PAK4: variants seen among roughly 807,000 people sequenced by gnomAD.
The protein encoded by PAK4 is serine/threonine-protein kinase PAK 4.
PAK4 carries 49 observed loss-of-function variants against 53.5 expected under a neutral mutation model. The observed-to-expected ratio is 0.92, with a 90% CI of 0.73 to 1.16. The LOEUF is 1.16. Ranked by LOEUF, PAK4 falls within the 50% of genes most tolerant of loss-of-function variation. The pLI is 0.00. For missense variants in PAK4, 824 were observed against 850.7 expected (o/e 0.97, Z 0.39); for synonymous variants, 376 against 375.6 (o/e 1.00, Z -0.01).
intron 1 of PAK4, 28 bp from the exon 3 acceptor site, chr19:39,169,504 A>T: frequency 4.7e-6 from 7 of 1,504,904 alleles, no homozygotes; most frequent in Non-Finnish European, 6.5e-6. Context: ...GCAGGCTCTC[A>T]CTCACCCACC....
chr19:39,166,205 C>T (rs181756526), intron 1 of PAK4, among the ~76,000 whole-genome samples: 3 of 152,348 alleles, frequency 2.0e-5, no homozygotes, highest in African/African-American at 7.2e-5. Context: ...GCCTGTAATC[C>T]TAACACTTTG....
At chr19:39,127,950 C>T (rs2073620627) in intron 1 of PAK4, among the ~76,000 whole-genome samples, 2 of 152,086 alleles carry the variant, frequency 1.3e-5, no homozygotes, top group African/African-American at 4.8e-5. Flanking sequence ...CAACACGTAG[C>T]CTGTGCAGGT....
chr19:39,162,601 C>T (rs545298186), intron 1 of PAK4, among the ~76,000 whole-genome samples: 18 of 152,254 alleles, frequency 1.2e-4, no homozygotes, highest in South Asian at 4.1e-4. Context: ...AGCCTCCCCT[C>T]CCCTCAGCTC....
At chr19:39,130,488 G>A (rs1490123514) in intron 1 of PAK4, among the ~76,000 whole-genome samples, 1 of 152,066 alleles carries the variant, frequency 6.6e-6, no homozygotes, top group Non-Finnish European at 1.5e-5. Flanking sequence ...AGGCTGGAAG[G>A]AGGTGGAAAG....
intron 1 of PAK4, among the ~76,000 whole-genome samples, chr19:39,130,120 C>A (rs1316814596): frequency 3.6e-5 from 2 of 55,200 alleles, no homozygotes; most frequent in East Asian, 4.6e-4. Context: ...AGGGTCAGGG[C>A]GGGATGTGGG....
At chr19:39,158,059 C>T (rs558940234) in intron 1 of PAK4, among the ~76,000 whole-genome samples, 10 of 149,214 alleles carry the variant, frequency 6.7e-5, no homozygotes, top group South Asian at 2.1e-4. Flanking sequence ...TATTTGTGAG[C>T]GTGTGTGTGA....
intron 1 of PAK4, among the ~76,000 whole-genome samples, chr19:39,139,551 C>CA (rs2073876926): frequency 2.0e-5 from 3 of 152,184 alleles, no homozygotes; most frequent in African/African-American, 7.2e-5. Flanking sequence ...CATTCCTCAG[C>CA]AGGCCCCAGA....
intron 1 of PAK4, among the ~76,000 whole-genome samples, chr19:39,139,288 G>C (rs1600319154): frequency 2.0e-5 from 3 of 152,220 alleles, no homozygotes; most frequent in Admixed American, 1.3e-4. Flanking sequence ...TTGGGATCAT[G>C]GTTGTTCATC....
At chr19:39,142,570 G>A (rs968794228) in intron 1 of PAK4, among the ~76,000 whole-genome samples, 1 of 152,144 alleles carries the variant, frequency 6.6e-6, no homozygotes. Context: ...CCCACCCCCC[G>A]GGGCCTGGGA....
In PAK4 at chr19:39,175,384, C is replaced by T. The variant is rs757293101; in HGVS notation, c.1305C>T (p.Gly435=). The T allele has an allele frequency of 9.3e-6, 15 of 1,610,742 alleles. No individual in the cohort carries two copies. Among genetic ancestry groups the T allele is most frequent in the Non-Finnish European group, 1.2e-5 (14 of 1,179,140 alleles). Residue 435 remains glycine (G), a synonymous_variant, in exon 6 of 9, where the codon GGC becomes GGT. Transcript: ENST00000358301. The surrounding 1 kb of genome is among the most constrained non-coding windows in gnomAD (Gnocchi z 4.7). ...CCCTGTCGGTGCTCCACGCCCAGGG[C>T]GTCATCCACCGGGACATCAAGAGCG...
intron 1 of PAK4, among the ~76,000 whole-genome samples, chr19:39,135,987 T>C (rs2073806792): frequency 6.8e-6 from 1 of 146,206 alleles, no homozygotes; most frequent in Non-Finnish European, 1.5e-5. Flanking sequence ...TCCTTGTCAC[T>C]CCCCTTCCTC....
At chr19:39,136,082 C>T (rs2073809900) in intron 1 of PAK4, among the ~76,000 whole-genome samples, 2 of 136,460 alleles carry the variant, frequency 1.5e-5, no homozygotes, top group South Asian at 5.4e-4. Flanking sequence ...TCCTTGTCAC[C>T]CCTCTTCCTC....
chr19:39,168,893 C>A (rs1479213380), intron 1 of PAK4: 1 of 152,520 alleles, frequency 6.6e-6, no homozygotes, highest in Non-Finnish European at 1.5e-5. Context: ...AGTGGCCAGG[C>A]CATCAGTGAC....
Position 39,173,750 on chromosome 19 carries a change from G to T in PAK4, c.838G>T (p.Ala280Ser), listed in dbSNP as rs769173911. The T allele has an allele frequency of 6.3e-7, 1 of 1,579,914 alleles. No homozygotes were observed. Among genetic ancestry groups the T allele is most frequent in the Middle Eastern group, 1.7e-4 (1 of 5,812 alleles). ...GGCCCCTCCAGCCTGCACCCCCGCC[G>T]CCCCTGCTGTTCCTGGGCCCCCTGG... The change falls in exon 4 of 9, where the codon GCC (alanine) becomes TCC (serine). Residue 280 changes from alanine to serine, a missense_variant. Transcript: ENST00000358301. This position sits in a 1 kb window ranked among gnomAD's most constrained non-coding sequence, Gnocchi z 6.9.
intron 1 of PAK4, among the ~76,000 whole-genome samples, chr19:39,165,689 C>G (rs1032122728): frequency 6.6e-6 from 1 of 152,212 alleles, no homozygotes; most frequent in Non-Finnish European, 1.5e-5. Context: ...ATGTCTGCCT[C>G]TCACTGGCTG....
At chr19:39,128,332 C>G (rs557311887) in intron 1 of PAK4, among the ~76,000 whole-genome samples, 12 of 152,264 alleles carry the variant, frequency 7.9e-5, no homozygotes, top group African/African-American at 2.9e-4. Context: ...TGGAGGCCCT[C>G]GCTCCACCTG....
chr19:39,171,148 T>C (rs1049828374), intron 2 of PAK4, among the ~76,000 whole-genome samples: 1 of 151,834 alleles, frequency 6.6e-6, no homozygotes, highest in African/African-American at 2.4e-5. Context: ...CCATAGGCAC[T>C]TGTGTTTGCT....
At chr19:39,142,566 C>T (rs956177174) in intron 1 of PAK4, among the ~76,000 whole-genome samples, 1 of 152,148 alleles carries the variant, frequency 6.6e-6, no homozygotes, top group Non-Finnish European at 1.5e-5. Context: ...CTTCCCCACC[C>T]CCCGGGGCCT....
Position 39,173,845 on chromosome 19 carries a change from G to C in PAK4, c.933G>C (p.Val311=). The stretch of plus-strand genomic sequence containing the variant: ...AGTTCCGGGCTGCCCTGCAGCTGGT[G>C]GTGGACCCAGGCGACCCCCGCTCCT... The change falls in exon 4 of 9, where the codon GTG becomes GTC. Residue 311 remains valine, a synonymous_variant. Coordinates refer to ENST00000358301, the Ensembl canonical transcript of PAK4. This position sits in a 1 kb window ranked among gnomAD's most constrained non-coding sequence, Gnocchi z 6.9. The C allele has an allele frequency of 6.2e-7, 1 of 1,612,544 alleles. No individual in the cohort carries two copies. Among genetic ancestry groups the C allele is most frequent in the Non-Finnish European group, 8.5e-7 (1 of 1,179,758 alleles).
Sources: allele counts gnomAD v4.1 joint callset (sites outside exome capture counted in the v4.1 genomes callset), GRCh38; gene constraint gnomAD v4.1.1; non-coding constraint Gnocchi (gnomAD v3.1); transcripts MANE v1.5; gene names NCBI Gene and HGNC (gene_info 2026-07-23, HGNC 2026-07-21).